PLEKHA8: variants seen among roughly 807,000 people sequenced by gnomAD.
PLEKHA8 encodes pleckstrin homology domain-containing family A member 8.
PLEKHA8 carries 36 observed loss-of-function variants against 68.2 expected under a neutral mutation model. The ratio of observed to expected loss-of-function variants is 0.53; its 90% CI spans 0.40 to 0.70. The LOEUF is 0.70. Ranked by LOEUF, PLEKHA8 falls within the 30% of genes least tolerant of loss-of-function variation. The pLI is 0.00. For missense variants in PLEKHA8, 505 were observed against 615.4 expected (o/e 0.82, Z 1.90); for synonymous variants, 211 against 216.1 (o/e 0.98, Z 0.20).
At position 30,033,938 on chromosome 7, in the gene PLEKHA8, A is replaced by G. The variant is rs117390129; in HGVS notation, c.40+5136A>G. Among the ~76,000 whole-genome samples, 330 of 139,982 alleles carry G rather than the reference A, an allele frequency of 2.4e-3. 10 individuals are homozygous for G. The East Asian group carries it at 0.063, about 27-fold the overall frequency. The allele number at this position is 139,982 out of a possible 152,430, so 91.8% of individuals were successfully genotyped here. On this transcript the variant is annotated intron_variant, in intron 1 of 13. Transcript: ENST00000449726. The stretch of plus-strand genomic sequence containing the variant: ...ATGCTGATTATCCATTTGTATATCT[A>G]TTTGGAAAAATGTCTGCATTTTTTG...
Position 30,068,188 on chromosome 7 carries a change from G to A in PLEKHA8, c.1300+5446G>A, listed in dbSNP as rs1245882057. On this transcript the variant is annotated intron_variant, in intron 12 of 13. Coordinates refer to ENST00000449726, the MANE Select transcript of PLEKHA8 (RefSeq NM_001197026.2). ...CTCTGTAGGCCTGACTTGAGGCTGA[G>A]ACTTTGCATTTCTAACAAGTTCCCA... Among the ~76,000 whole-genome samples, 3 of 152,314 alleles carry A rather than the reference G, an allele frequency of 2.0e-5. No individual in the cohort carries two copies. In the East Asian group the frequency reaches 5.8e-4, roughly 29 times the overall value.
chr7:30,051,472 A>G (rs1025333846), intron 6 of PLEKHA8, among the ~76,000 whole-genome samples: 3 of 150,754 alleles, frequency 2.0e-5, no homozygotes, highest in Admixed American at 6.6e-5. Context: ...TCTTATTTTT[A>G]TTAGAAGAAA....
chr7:30,110,078 T>G (rs1796219570), intron 13 of PLEKHA8, among the ~76,000 whole-genome samples: 1 of 152,230 alleles, frequency 6.6e-6, no homozygotes, highest in South Asian at 2.1e-4. Context: ...TCAGTGCCTT[T>G]CATTATATTT....
At chr7:30,031,193 C>G (rs1224246141) in intron 1 of PLEKHA8, among the ~76,000 whole-genome samples, 1 of 152,184 alleles carries the variant, frequency 6.6e-6, no homozygotes, top group Admixed American at 6.5e-5. Flanking sequence ...AGCCCATGCC[C>G]TTCTTGAGCC....
At chr7:30,059,039 C>T (rs909262522) in intron 9 of PLEKHA8, among the ~76,000 whole-genome samples, 3 of 152,170 alleles carry the variant, frequency 2.0e-5, no homozygotes, top group East Asian at 1.9e-4. Context: ...GAGAATCACA[C>T]GAGCCTGGGA....
exon 14 of PLEKHA8, chr7:30,129,276 G>A (rs1474083028): frequency 1.2e-6 from 2 of 1,612,784 alleles, no homozygotes; most frequent in Non-Finnish European, 1.7e-6. Context: ...GTGTAGGAAT[G>A]TGGGTGTAGA....
rs529798146 is a variant in PLEKHA8 at position 30,082,099 on chromosome 7, G to A, written c.*3312G>A. 2.0e-6 allele frequency: 2 copies of A among 985,340 alleles called. No homozygotes were observed. Among genetic ancestry groups the A allele is most frequent in the African/African-American group, 3.5e-5 (2 of 57,352 alleles). 61.0% of individuals were successfully genotyped at this position (985,340 alleles called of 1,614,324 possible). The stretch of plus-strand genomic sequence containing the variant: ...CTCTCACAGAATGTTGAGCCTGTGG[G>A]CCCAAGACATTGACTTCGAAGGGTA... On this transcript the variant is annotated 3_prime_UTR_variant, in exon 14 of 14. Coordinates refer to ENST00000449726, the MANE Select transcript of PLEKHA8 (RefSeq NM_001197026.2).
In PLEKHA8 at chr7:30,080,145, C is replaced by T. The variant is rs1294576645; in HGVS notation, c.*1358C>T. The T allele has an allele frequency of 3.9e-5, 38 of 985,188 alleles. No individual in the cohort carries two copies. Among genetic ancestry groups the T allele is most frequent in the Non-Finnish European group, 4.6e-5 (38 of 829,862 alleles). 61.0% of individuals were successfully genotyped at this position (985,188 alleles called of 1,614,324 possible). A position where few individuals can be genotyped will look rare whatever the true frequency, so the allele number is the denominator to read the frequency against. On this transcript the variant is annotated 3_prime_UTR_variant, in exon 14 of 14. Transcript: ENST00000449726. Reference sequence around the variant, plus strand: ...TTTATCAATCTCAAAAGCTTTGGGACAGTGTCATAGTTGAAAGATGAGACT... The same window carrying T: ...TTTATCAATCTCAAAAGCTTTGGGATAGTGTCATAGTTGAAAGATGAGACT...
chr7:30,094,278 T>A (rs894997300), downstream of PLEKHA8, among the ~76,000 whole-genome samples: 1 of 151,398 alleles, frequency 6.6e-6, no homozygotes, highest in Non-Finnish European at 1.5e-5. Context: ...GTTTCTACTT[T>A]TTTTTTTTTT....
At chr7:30,129,539 A>C, downstream of PLEKHA8, 1 of 555,994 alleles carries the variant, frequency 1.8e-6, no homozygotes, top group Non-Finnish European at 3.2e-6. Flanking sequence ...AATTTTCAAC[A>C]TGTACACCTG....
In PLEKHA8 at chr7:30,080,307, G is replaced by A. The variant is rs1794861459; in HGVS notation, c.*1520G>A. 2.0e-6 allele frequency: 2 copies of A among 985,392 alleles called. No individual in the cohort carries two copies. The highest frequency in any genetic ancestry group is 2.4e-6 in the Non-Finnish European group (2 of 829,942). The allele number at this position is 985,392 out of a possible 1,614,324, so 61.0% of individuals were successfully genotyped here. On this transcript the variant is annotated 3_prime_UTR_variant, in exon 14 of 14. Coordinates refer to ENST00000449726, the MANE Select transcript of PLEKHA8 (RefSeq NM_001197026.2). ...CAGTAGACCATGCTGCCTCGAGTGT[G>A]CATCGGAGAGAAGCCATGGGTACCT... is the stretch of plus-strand genomic sequence containing the variant.
chr7:30,076,426 G>A (rs984581846), intron 13 of PLEKHA8, among the ~76,000 whole-genome samples: 1 of 152,096 alleles, frequency 6.6e-6, no homozygotes, highest in African/African-American at 2.4e-5. Context: ...TAAATTCCTA[G>A]TAGAACTGCT....
intron 2 of PLEKHA8, 78 bp from the exon 3 acceptor site, chr7:30,046,132 C>T: frequency 7.4e-7 from 1 of 1,355,154 alleles, no homozygotes; most frequent in Non-Finnish European, 9.8e-7. Context: ...ATCAATTAAG[C>T]TCAAGAAGTT....
In PLEKHA8 at chr7:30,082,416, C is replaced by G; in HGVS notation, c.*3629C>G. ...ACCACCTTAGCCCAGGGCTGCGTGCCTGATCAGTGGGGATTCTGTTCCCCC... is the reference window on the plus strand; with the variant it reads ...ACCACCTTAGCCCAGGGCTGCGTGCGTGATCAGTGGGGATTCTGTTCCCCC... On this transcript the variant is annotated 3_prime_UTR_variant, in exon 14 of 14. Coordinates refer to ENST00000449726, the MANE Select transcript of PLEKHA8 (RefSeq NM_001197026.2). 1.0e-6 allele frequency: 1 copy of G among 985,374 alleles called. No homozygotes were observed. Among genetic ancestry groups the G allele is most frequent in the Non-Finnish European group, 1.2e-6 (1 of 829,942 alleles). 61.0% of individuals were successfully genotyped at this position (985,374 alleles called of 1,614,324 possible). A position where few individuals can be genotyped will look rare whatever the true frequency, so the allele number is the denominator to read the frequency against.
At chr7:30,062,632 G>T (rs947754773) in intron 11 of PLEKHA8, 40 bp from the exon 12 acceptor site, 2 of 1,480,718 alleles carry the variant, frequency 1.4e-6, no homozygotes, top group South Asian at 2.3e-5. Context: ...CAACATAAGT[G>T]AACTTTGAAA....
In PLEKHA8 at chr7:30,050,362, T is replaced by C. The variant is rs1792307104; in HGVS notation, c.598-72T>C. ...ATATGGTCATATTTACCATTTTGTA[T>C]GTAATAAGATCATAAATATGCTCTG... On this transcript the variant is annotated intron_variant, in intron 5 of 13. Coordinates refer to ENST00000449726, the MANE Select transcript of PLEKHA8 (RefSeq NM_001197026.2). The C allele has an allele frequency of 2.0e-6, 3 of 1,497,072 alleles. No individual in the cohort carries two copies. In the African/African-American group the frequency reaches 4.3e-5, roughly 21 times the overall value. The allele number at this position is 1,497,072 out of a possible 1,614,324, so 92.7% of individuals were successfully genotyped here.
In PLEKHA8 at chr7:30,083,200, A is replaced by T. The variant is rs1195542462; in HGVS notation, c.*4413A>T. 1 of 983,854 alleles carries T rather than the reference A, an allele frequency of 1.0e-6. No individual in the cohort carries two copies. The highest frequency in any genetic ancestry group is 1.2e-6 in the Non-Finnish European group (1 of 828,512). 60.9% of individuals were successfully genotyped at this position (983,854 alleles called of 1,614,324 possible). ...CTTGTAAGGGCTCTACACAAACTTCATTATGTATGGTAAATTTGTATTCTT... is the reference window on the plus strand; with the variant it reads ...CTTGTAAGGGCTCTACACAAACTTCTTTATGTATGGTAAATTTGTATTCTT... On this transcript the variant is annotated 3_prime_UTR_variant, in exon 14 of 14. Transcript: ENST00000449726.
At chr7:30,054,515 C>G (rs1405307238) in intron 7 of PLEKHA8, among the ~76,000 whole-genome samples, 194 bp from the exon 8 acceptor site, 2 of 151,958 alleles carry the variant, frequency 1.3e-5, no homozygotes, top group East Asian at 3.9e-4. Context: ...TTAGTGAAAG[C>G]AAGCAGGATT....
Position 30,082,317 on chromosome 7 carries a change from A to C in PLEKHA8, c.*3530A>C, listed in dbSNP as rs1160185723. 1.0e-6 allele frequency: 1 copy of C among 985,492 alleles called. No individual in the cohort carries two copies. The highest frequency in any genetic ancestry group is 1.2e-6 in the Non-Finnish European group (1 of 830,036). The allele number at this position is 985,492 out of a possible 1,614,324, so 61.0% of individuals were successfully genotyped here. ...CAGCAGTACCGCCATCAGCACACCA[A>C]ATCTACCCCCACTTATGTTTGTTCT... On this transcript the variant is annotated 3_prime_UTR_variant, in exon 14 of 14. Coordinates refer to ENST00000449726, the MANE Select transcript of PLEKHA8 (RefSeq NM_001197026.2).
Sources: gnomAD v4.1 joint callset for allele counts (sites outside exome capture counted in the v4.1 genomes callset) on GRCh38, gnomAD v4.1.1 for gene constraint, MANE v1.5 for transcripts, NCBI Gene and HGNC (gene_info 2026-07-23, HGNC 2026-07-21) for gene names.